C2orf76: variants seen among roughly 807,000 people sequenced by gnomAD.
The protein encoded by C2orf76 is chromosome 2 open reading frame 76.
In C2orf76, 23 loss-of-function variants were observed where a neutral mutation model predicts 16.9. The observed-to-expected ratio is 1.36, with a 90% CI of 0.98 to 1.93. The LOEUF (loss-of-function observed/expected upper bound fraction) is 1.93. Among genes scored for constraint, C2orf76 ranks in the 30% most tolerant of loss-of-function variants. C2orf76 has a pLI of 0.00. For missense variants in C2orf76, 152 were observed against 152.6 expected (o/e 1.00, Z 0.02); for synonymous variants, 48 against 52.3 (o/e 0.92, Z 0.35).
chr2:119,289,003 C>G, the C2orf76 span, among the ~76,000 whole-genome samples: 80 of 152,164 alleles, frequency 5.3e-4, 3 homozygotes, highest in South Asian at 0.011. Context: ...TCAAGCTGCT[C>G]TACTTTCAAG....
intron 2 of C2orf76, among the ~76,000 whole-genome samples, chr2:119,329,365 A>G (rs1017055396): frequency 6.6e-6 from 1 of 152,158 alleles, no homozygotes; most frequent in African/African-American, 2.4e-5. Context: ...TCAGCATGGT[A>G]TAACTTTCTC....
intron 1 of C2orf76, among the ~76,000 whole-genome samples, chr2:119,342,143 C>T (rs921794569): frequency 4.6e-5 from 7 of 151,986 alleles, no homozygotes; most frequent in Non-Finnish European, 8.8e-5. Flanking sequence ...ATGGTGTACT[C>T]CTACGATAGA....
chr2:119,356,640 A>C (rs1038070353), intron 1 of C2orf76, among the ~76,000 whole-genome samples: 3 of 151,960 alleles, frequency 2.0e-5, no homozygotes, highest in Admixed American at 6.6e-5. Flanking sequence ...GAAGGAAAGA[A>C]ATAATAATGA....
intron 1 of C2orf76, among the ~76,000 whole-genome samples, chr2:119,343,251 T>C (rs556556139): frequency 5.9e-4 from 90 of 152,340 alleles, no homozygotes; most frequent in Middle Eastern, 6.8e-3. Context: ...TCCCAGAATC[T>C]ACCACATAAT....
intron 1 of C2orf76, among the ~76,000 whole-genome samples, chr2:119,363,265 A>G: frequency 6.6e-6 from 1 of 152,060 alleles, no homozygotes; most frequent in East Asian, 1.9e-4. Flanking sequence ...TCTACCCAAA[A>G]TACAAAAAAT....
At chr2:119,311,735 C>G (rs745443678) in intron 4 of C2orf76, 32 bp from the exon 5 acceptor site, 1 of 1,575,364 alleles carries the variant, frequency 6.3e-7, no homozygotes, top group Non-Finnish European at 8.6e-7. Context: ...TGCATTTTAT[C>G]AGTACTTACA....
intron 2 of C2orf76, 84 bp downstream of exon 2, chr2:119,339,743 G>C: frequency 7.1e-6 from 10 of 1,402,422 alleles, no homozygotes; most frequent in Non-Finnish European, 9.8e-6. Flanking sequence ...AGTACTTTAG[G>C]ATTTGTTAAA....
chr2:119,311,512 G>A, intron 5 of C2orf76, 110 bp downstream of exon 5: 1 of 1,470,106 alleles, frequency 6.8e-7, no homozygotes, highest in East Asian at 2.4e-5. Flanking sequence ...AGTGTCAGGG[G>A]GACCAAGGAC....
intron 1 of C2orf76, among the ~76,000 whole-genome samples, chr2:119,347,905 C>T (rs1302415609): frequency 1.3e-5 from 2 of 151,866 alleles, no homozygotes; most frequent in Non-Finnish European, 2.9e-5. Context: ...TTGATACAAG[C>T]AATGGACATC....
intron 1 of C2orf76, among the ~76,000 whole-genome samples, chr2:119,352,803 T>G (rs1033103831): frequency 7.9e-5 from 12 of 152,184 alleles, no homozygotes; most frequent in Non-Finnish European, 1.5e-4. Context: ...AGGTTATATA[T>G]ATAGAGAGAG....
intron 1 of C2orf76, among the ~76,000 whole-genome samples, chr2:119,346,643 G>A (rs72831205): frequency 0.019 from 2,859 of 152,240 alleles, 37 homozygotes; most frequent in South Asian, 0.054. Context: ...GGGGAAGAGG[G>A]GGAAAGAGGT....
chr2:119,290,331 G>A, the C2orf76 span, among the ~76,000 whole-genome samples: 3 of 151,974 alleles, frequency 2.0e-5, no homozygotes, highest in South Asian at 2.1e-4. Context: ...ACCGGCTCAC[G>A]ACCTTTCAAC....
At chr2:119,332,653 G>A (rs568562488) in intron 2 of C2orf76, among the ~76,000 whole-genome samples, 4 of 152,212 alleles carry the variant, frequency 2.6e-5, no homozygotes, top group South Asian at 2.1e-4. Flanking sequence ...GAAACCACCT[G>A]CCATCCCTAG....
chr2:119,345,229 C>T (rs1680161167), intron 1 of C2orf76, among the ~76,000 whole-genome samples: 1 of 152,132 alleles, frequency 6.6e-6, no homozygotes, highest in Non-Finnish European at 1.5e-5. Flanking sequence ...AGGCAACTGG[C>T]TAAACTTAAG....
At chr2:119,309,313 C>A (rs1362587965) in intron 5 of C2orf76, among the ~76,000 whole-genome samples, 3 of 150,176 alleles carry the variant, frequency 2.0e-5, no homozygotes, top group African/African-American at 7.3e-5. Context: ...GTTATTTCTT[C>A]TATCAATAGA....
rs1461270275 is a variant in C2orf76, at chr2:119,336,806, T to A, written c.133+3021A>T. Among the ~76,000 whole-genome samples, 4 of 152,134 alleles carry A rather than the reference T, an allele frequency of 2.6e-5. No individual in the cohort carries two copies. In the South Asian group the frequency reaches 8.3e-4, roughly 31 times the overall value. On this transcript the variant is annotated intron_variant, in intron 2 of 5. Transcript: ENST00000334816. Reference sequence around the variant, plus strand: ...TTCCCTATGCCACTATGTCAGACAATCTCTTTAGCACTCAGCACTCAAAAT... The same window carrying A: ...TTCCCTATGCCACTATGTCAGACAAACTCTTTAGCACTCAGCACTCAAAAT...
chr2:119,328,306 T>C (rs552987451), intron 2 of C2orf76, among the ~76,000 whole-genome samples: 13 of 152,242 alleles, frequency 8.5e-5, no homozygotes, highest in African/African-American at 3.1e-4. Context: ...AAATACAGAG[T>C]TGTTCATGCC....
intron 1 of C2orf76, among the ~76,000 whole-genome samples, chr2:119,347,303 A>G (rs1680234805): frequency 6.6e-6 from 1 of 152,242 alleles, no homozygotes; most frequent in Non-Finnish European, 1.5e-5. Context: ...AACAAATGGC[A>G]TGAGAAATAA....
At chr2:119,355,288 C>T (rs997825125) in intron 1 of C2orf76, among the ~76,000 whole-genome samples, 4 of 152,236 alleles carry the variant, frequency 2.6e-5, no homozygotes, top group East Asian at 1.9e-4. Flanking sequence ...GTCTCTCACA[C>T]GTCTGCGTGT....
Sources: allele counts gnomAD v4.1 joint callset (sites outside exome capture counted in the v4.1 genomes callset), GRCh38; gene constraint gnomAD v4.1.1; transcripts MANE v1.5; gene names NCBI Gene and HGNC (gene_info 2026-07-23, HGNC 2026-07-21).